Variants in TMPRSS12 observed in about 807,000 individuals in gnomAD.
TMPRSS12 encodes transmembrane protease serine 12.
A neutral mutation model predicts 26.0 loss-of-function variants in TMPRSS12; 25 were observed. The ratio of observed to expected loss-of-function variants is 0.96; its 90% CI spans 0.70 to 1.34. The LOEUF is 1.34. Among genes scored for constraint, TMPRSS12 ranks in the 40% most tolerant of loss-of-function variants. The pLI is 0.00. For synonymous variants in TMPRSS12, 150 were observed against 161.7 expected (o/e 0.93, Z 0.55); for missense variants, 441 against 440.1 (o/e 1.00, Z -0.02).
At chr12:50,872,440 G>C (rs1422474264) in intron 3 of TMPRSS12, among the ~76,000 whole-genome samples, 8 of 139,550 alleles carry the variant, frequency 5.7e-5, no homozygotes, top group Admixed American at 1.5e-4. Context: ...GTGAACCCGG[G>C]AAGCGGAGCT....
intron 4 of TMPRSS12, chr12:50,885,824 CTTTT>C: frequency 1.1e-4 from 20 of 187,972 alleles, no homozygotes; most frequent in Middle Eastern, 1.8e-3. Flanking sequence ...CCCGGCCATT[CTTTT>C]TTTTTTTTTT....
At chr12:50,853,556 A>T (rs1467808003) in intron 2 of TMPRSS12, among the ~76,000 whole-genome samples, 1 of 133,912 alleles carries the variant, frequency 7.5e-6, no homozygotes, top group African/African-American at 2.7e-5. Flanking sequence ...AATAAATAAG[A>T]TTGATAGACC....
At chr12:50,855,736 C>A (rs1937870500) in intron 2 of TMPRSS12, among the ~76,000 whole-genome samples, 1 of 152,136 alleles carries the variant, frequency 6.6e-6, no homozygotes, top group Non-Finnish European at 1.5e-5. Flanking sequence ...AATAATTCTA[C>A]CATAAAGACA....
At chr12:50,862,045 TG>T (rs1937941166) in intron 3 of TMPRSS12, among the ~76,000 whole-genome samples, 1 of 152,156 alleles carries the variant, frequency 6.6e-6, no homozygotes, top group South Asian at 2.1e-4. Flanking sequence ...CCTGACCTCG[TG>T]ATCCACCTGC....
chr12:50,860,254 C>A (rs1937921956), intron 3 of TMPRSS12, among the ~76,000 whole-genome samples: 1 of 152,002 alleles, frequency 6.6e-6, no homozygotes, highest in Non-Finnish European at 1.5e-5. Flanking sequence ...AAGATGATTG[C>A]GATATATTTT....
chr12:50,848,029 A>T (rs542257599), intron 2 of TMPRSS12: 5 of 152,072 alleles, frequency 3.3e-5, no homozygotes, highest in Admixed American at 1.3e-4. Context: ...ATTAGTGTCT[A>T]GTTTTTTACA....
chr12:50,870,354 A>G (rs565540374), intron 3 of TMPRSS12, among the ~76,000 whole-genome samples: 109 of 151,182 alleles, frequency 7.2e-4, no homozygotes, highest in South Asian at 1.5e-3. Context: ...AAAAAATCAC[A>G]TGATCATCTC....
At chr12:50,887,121 T>G (rs1473879047) in intron 4 of TMPRSS12, 141 bp from the exon 5 acceptor site, 1 of 905,082 alleles carries the variant, frequency 1.1e-6, no homozygotes, top group Non-Finnish European at 1.6e-6. Flanking sequence ...GCTCAAAATC[T>G]AGTGATCTTT....
chr12:50,843,773 A>C, intron 1 of TMPRSS12, 69 bp from the exon 2 acceptor site: 1 of 1,437,332 alleles, frequency 7.0e-7, no homozygotes, highest in South Asian at 1.3e-5. Context: ...TTGCATTAAT[A>C]TGTTCAGCTT....
intron 3 of TMPRSS12, among the ~76,000 whole-genome samples, chr12:50,868,539 C>T (rs944169053): frequency 6.6e-6 from 1 of 152,070 alleles, no homozygotes. Flanking sequence ...AACAGCAACA[C>T]AATAATAGTG....
At chr12:50,878,647 A>C (rs556267068) in intron 3 of TMPRSS12, among the ~76,000 whole-genome samples, 37 of 152,354 alleles carry the variant, frequency 2.4e-4, no homozygotes, top group African/African-American at 8.7e-4. Context: ...GGGGAAAAAA[A>C]ACCTTATATT....
At position 50,848,040 on chromosome 12, in the gene TMPRSS12, C is replaced by G. The variant is rs184228552; in HGVS notation, c.383+4003C>G. ...AGTTATTAGTGTCTAGTTTTTTACA[C>G]TAGTTACTGGAAGACAGGCTTGTCC... On this transcript the variant is annotated intron_variant, in intron 2 of 4. Transcript: ENST00000398458. 4 of 152,004 alleles carry G rather than the reference C, an allele frequency of 2.6e-5. No individual in the cohort carries two copies. In the East Asian group the frequency reaches 7.7e-4, roughly 29 times the overall value. 9.4% of individuals were successfully genotyped at this position (152,004 alleles called of 1,614,324 possible). A position where few individuals can be genotyped will look rare whatever the true frequency, so the allele number is the denominator to read the frequency against.
intron 3 of TMPRSS12, among the ~76,000 whole-genome samples, chr12:50,864,102 C>T (rs1937964788): frequency 1.3e-5 from 2 of 152,196 alleles, no homozygotes; most frequent in South Asian, 4.1e-4. Context: ...GAAATTCCCT[C>T]TCCCCAAAAT....
intron 2 of TMPRSS12, among the ~76,000 whole-genome samples, chr12:50,854,214 C>T (rs1347722742): frequency 6.6e-6 from 1 of 151,970 alleles, no homozygotes; most frequent in East Asian, 1.9e-4. Flanking sequence ...AAACAAAAAC[C>T]ACATCATCTC....
chr12:50,881,801 C>T (rs1195304986), intron 3 of TMPRSS12, among the ~76,000 whole-genome samples: 1 of 149,998 alleles, frequency 6.7e-6, no homozygotes, highest in Non-Finnish European at 1.5e-5. Context: ...AAAAACCTGT[C>T]TCCACCAAAA....
At chr12:50,876,936 A>C (rs961348250) in intron 3 of TMPRSS12, among the ~76,000 whole-genome samples, 4 of 152,146 alleles carry the variant, frequency 2.6e-5, no homozygotes, top group African/African-American at 9.7e-5. Context: ...CATTATCCTA[A>C]GTGAATTAAC....
Position 50,887,099 on chromosome 12 carries a change from T to C in TMPRSS12, c.796-163T>C. The stretch of plus-strand genomic sequence containing the variant: ...TAAAATTGAATTCCTCCTGTTTGAG[T>C]TGGAAGTTTAAGCTCAAAATCTAGT... On this transcript the variant is annotated intron_variant, in intron 4 of 4. Transcript: ENST00000398458. 5.6e-6 allele frequency: 4 copies of C among 708,346 alleles called. No homozygotes were observed. In the South Asian group the frequency reaches 9.6e-5, roughly 17 times the overall value. The allele number at this position is 708,346 out of a possible 1,614,324, so 43.9% of individuals were successfully genotyped here. A position where few individuals can be genotyped will look rare whatever the true frequency, so the allele number is the denominator to read the frequency against.
chr12:50,885,152 C>G (rs984572777), intron 3 of TMPRSS12, 94 bp from the exon 4 acceptor site: 14 of 1,098,142 alleles, frequency 1.3e-5, no homozygotes, highest in Non-Finnish European at 1.7e-5. Context: ...ATTATTGCAT[C>G]AGTCACTTTG....
At chr12:50,872,280 G>T (rs1325988020) in intron 3 of TMPRSS12, among the ~76,000 whole-genome samples, 2 of 151,730 alleles carry the variant, frequency 1.3e-5, no homozygotes, top group African/African-American at 2.4e-5. Context: ...TTGGGAGGCC[G>T]AGGCGGGTGG....
Sources: allele counts gnomAD v4.1 joint callset (sites outside exome capture counted in the v4.1 genomes callset), GRCh38; gene constraint gnomAD v4.1.1; transcripts MANE v1.5; gene names NCBI Gene and HGNC (gene_info 2026-07-23, HGNC 2026-07-21).